The following PRKAR1A variants were observed in gnomAD, a reference collection of about 807,000 sequenced individuals.
PRKAR1A encodes protein kinase cAMP-dependent type I regulatory subunit alpha.
Under a neutral mutation model 52.0 loss-of-function variants are expected in PRKAR1A, and 3 were observed. The observed-to-expected ratio is 0.06, with a 90% CI of 0.03 to 0.15. The LOEUF is 0.15. Among genes scored for constraint, PRKAR1A ranks in the 10% least tolerant of loss-of-function variants. The pLI is 1.00. For synonymous variants in PRKAR1A, 188 were observed against 168.4 expected (o/e 1.12, Z -0.90); for missense variants, 240 against 477.4 (o/e 0.50, Z 4.63).
At chr17:68,451,356 C>A in the PRKAR1A span, among the ~76,000 whole-genome samples, 1 of 152,172 alleles carries the variant, frequency 6.6e-6, no homozygotes, top group African/African-American at 2.4e-5. Context: ...ATCACCTGAA[C>A]CCAGGAGGAA....
At chr17:68,533,848 C>T (rs997577638), downstream of PRKAR1A, among the ~76,000 whole-genome samples, 13 of 152,164 alleles carry the variant, frequency 8.5e-5, no homozygotes, top group Admixed American at 8.5e-4. Context: ...GTACCTCAGC[C>T]TCTGGAATAG....
chr17:68,476,533 C>A, the PRKAR1A span, among the ~76,000 whole-genome samples: 1 of 152,148 alleles, frequency 6.6e-6, no homozygotes, highest in African/African-American at 2.4e-5. Context: ...CCGGGGCAAC[C>A]ACTGTTACCA....
the PRKAR1A span, among the ~76,000 whole-genome samples, chr17:68,425,377 CTTTTCT>C: frequency 8.5e-6 from 1 of 117,110 alleles, no homozygotes; most frequent in Non-Finnish European, 1.7e-5. Flanking sequence ...CTAATTTTTT[CTTTTCT>C]TTTTTTTTTT....
the PRKAR1A span, chr17:68,453,139 G>T: frequency 1.7e-6 from 1 of 578,922 alleles, no homozygotes; most frequent in Non-Finnish European, 3.1e-6. Flanking sequence ...TTCCTAAATG[G>T]TGACGCATGT....
chr17:68,431,687 G>A, the PRKAR1A span, among the ~76,000 whole-genome samples: 1 of 152,056 alleles, frequency 6.6e-6, no homozygotes, highest in Non-Finnish European at 1.5e-5. Context: ...CTAAAGACAC[G>A]TTCAAGGGCC....
At chr17:68,428,664 A>G in the PRKAR1A span, 118 of 589,732 alleles carry the variant, frequency 2.0e-4, no homozygotes, top group Non-Finnish European at 3.4e-4. Flanking sequence ...AGGGCACCTG[A>G]CACAGAGCCC....
At chr17:68,438,356 G>T in the PRKAR1A span, among the ~76,000 whole-genome samples, 1 of 152,160 alleles carries the variant, frequency 6.6e-6, no homozygotes, top group South Asian at 2.1e-4. Context: ...CACCCCTTCT[G>T]AATTCTTTGC....
chr17:68,549,619 A>G (rs1207391154), intron 11 of PRKAR1A, among the ~76,000 whole-genome samples: 1 of 152,092 alleles, frequency 6.6e-6, no homozygotes, highest in African/African-American at 2.4e-5. Flanking sequence ...TATGCTTCTC[A>G]TTAACATCTC....
chr17:68,433,458 G>T, the PRKAR1A span: 5 of 1,612,622 alleles, frequency 3.1e-6, no homozygotes, highest in African/African-American at 6.7e-5. Flanking sequence ...GTGCCCCGCG[G>T]AGTACTTGCC....
At chr17:68,490,275 T>A in the PRKAR1A span, among the ~76,000 whole-genome samples, 3,250 of 152,326 alleles carry the variant, frequency 0.021, 102 homozygotes, top group African/African-American at 0.073. Context: ...GTGCGGGGCC[T>A]TTCCCCATTT....
intron 2 of PRKAR1A, among the ~76,000 whole-genome samples, chr17:68,518,859 A>G (rs182811520): frequency 1.3e-4 from 20 of 152,310 alleles, no homozygotes; most frequent in African/African-American, 4.3e-4. Flanking sequence ...CTGCTTAGAA[A>G]TTTCTTCCAC....
chr17:68,420,385 C>T, the PRKAR1A span: 230 of 1,614,026 alleles, frequency 1.4e-4, no homozygotes, highest in Admixed American at 2.3e-4. Flanking sequence ...ACATCTCCAG[C>T]GCAGATTACA....
the PRKAR1A span, chr17:68,424,657 C>G: frequency 6.9e-5 from 26 of 374,308 alleles, no homozygotes; most frequent in East Asian, 1.8e-3. Flanking sequence ...GAGTGGATCA[C>G]TTGAGGTCAG....
At chr17:68,477,956 C>G in the PRKAR1A span, among the ~76,000 whole-genome samples, 1 of 152,274 alleles carries the variant, frequency 6.6e-6, no homozygotes, top group East Asian at 1.9e-4. Flanking sequence ...CTCCTGAACT[C>G]AGGTGATCCG....
intron 11 of PRKAR1A, chr17:68,539,941 C>T (rs1250859728): frequency 2.5e-6 from 4 of 1,614,072 alleles, no homozygotes; most frequent in Non-Finnish European, 3.4e-6. Context: ...TGGTGAACAT[C>T]TCATAATGGT....
the PRKAR1A span, among the ~76,000 whole-genome samples, chr17:68,469,411 AT>A: frequency 6.6e-6 from 1 of 151,942 alleles, no homozygotes; most frequent in Non-Finnish European, 1.5e-5. Flanking sequence ...TATCTTGTTG[AT>A]TTCTTGGTTT....
the PRKAR1A span, among the ~76,000 whole-genome samples, chr17:68,478,043 G>A: frequency 1.3e-5 from 2 of 152,208 alleles, no homozygotes; most frequent in African/African-American, 4.8e-5. Context: ...TTTCAAGTAA[G>A]CTTTAACAAA....
rs144286154 is a variant in PRKAR1A at position 68,541,853 on chromosome 17, T to G, written c.974-9231T>G. 1.7e-4 allele frequency: 186 copies of G among 1,100,598 alleles called. 1 individual carries two copies. The highest frequency in any genetic ancestry group is 6.3e-4 in the Middle Eastern group (2 of 3,200). The allele number at this position is 1,100,598 out of a possible 1,614,324, so 68.2% of individuals were successfully genotyped here. A position where few individuals can be genotyped will look rare whatever the true frequency, so the allele number is the denominator to read the frequency against. On this transcript the variant is annotated intron_variant, in intron 11 of 11. Coordinates refer to the PRKAR1A transcript ENST00000585981. ...AGACCCAGGCCTGCTGATCCCAGGA[T>G]CAATATGAAATGGGGCAAAGGAGTA...
At position 68,527,695 on chromosome 17, in the gene PRKAR1A, A is replaced by G; in HGVS notation, c.709-145A>G. 7 of 659,646 alleles carry G rather than the reference A, an allele frequency of 1.1e-5. No individual in the cohort carries two copies. The South Asian group carries it at 1.3e-4, about 12-fold the overall frequency. The allele number at this position is 659,646 out of a possible 1,614,324, so 40.9% of individuals were successfully genotyped here. A position where few individuals can be genotyped will look rare whatever the true frequency, so the allele number is the denominator to read the frequency against. ...CTGTAAAATAAAAATGAATTAGTTAAAATTAAACTTTCCTCATTAAAAGCA... is the reference window on the plus strand; with the variant it reads ...CTGTAAAATAAAAATGAATTAGTTAGAATTAAACTTTCCTCATTAAAAGCA... On this transcript the variant is annotated intron_variant, in intron 7 of 10. Coordinates refer to ENST00000589228, the MANE Select transcript of PRKAR1A (RefSeq NM_002734.5).
Sources: gnomAD v4.1 joint callset for allele counts (sites outside exome capture counted in the v4.1 genomes callset) on GRCh38, gnomAD v4.1.1 for gene constraint, MANE v1.5 for transcripts, NCBI Gene and HGNC (gene_info 2026-07-23, HGNC 2026-07-21) for gene names.